The following GALNT13 variants were observed in gnomAD, a reference collection of about 807,000 sequenced individuals.
The protein encoded by GALNT13 is UDP-GalNAc:polypeptide N-acetylgalactosaminyltransferase 13.
GALNT13 carries 28 observed loss-of-function variants against 64.2 expected under a neutral mutation model. That is an observed-to-expected ratio of 0.44 (90% CI 0.32 to 0.60). GALNT13 has a LOEUF of 0.60. Ranked by LOEUF, GALNT13 falls within the 20% of genes least tolerant of loss-of-function variation. The pLI, the probability that GALNT13 is intolerant of heterozygous loss-of-function variation, is 0.05. For synonymous variants in GALNT13, 214 were observed against 224.6 expected (o/e 0.95, Z 0.42); for missense variants, 577 against 669.8 (o/e 0.86, Z 1.53).
chr2:154,337,111 A>G (rs951038615), intron 9 of GALNT13, among the ~76,000 whole-genome samples: 1 of 152,108 alleles, frequency 6.6e-6, no homozygotes, highest in African/African-American at 2.4e-5. Context: ...GCCAGGCCCC[A>G]CATAACAGGT....
At chr2:153,454,088 C>T in the GALNT13 span, among the ~76,000 whole-genome samples, 1 of 152,000 alleles carries the variant, frequency 6.6e-6, no homozygotes, top group Admixed American at 6.6e-5. Context: ...GACCATAAAG[C>T]TGGCAACAAC....
At chr2:153,778,911 G>A in the GALNT13 span, among the ~76,000 whole-genome samples, 1 of 152,136 alleles carries the variant, frequency 6.6e-6, no homozygotes, top group African/African-American at 2.4e-5. Context: ...AAAGTGAGAA[G>A]GTAGAAAAGC....
intron 7 of GALNT13, among the ~76,000 whole-genome samples, chr2:154,248,145 G>C (rs532432821): frequency 6.6e-6 from 1 of 152,056 alleles, no homozygotes; most frequent in Non-Finnish European, 1.5e-5. Flanking sequence ...AGTTATGATA[G>C]AACTTTGTAG....
At chr2:154,423,586 A>G (rs1700347348) in intron 11 of GALNT13, among the ~76,000 whole-genome samples, 3 of 152,210 alleles carry the variant, frequency 2.0e-5, no homozygotes, top group Non-Finnish European at 2.9e-5. Context: ...TATTTTTTAA[A>G]TGTATGAATC....
the GALNT13 span, among the ~76,000 whole-genome samples, chr2:153,715,139 A>G: frequency 1.3e-5 from 2 of 152,210 alleles, no homozygotes; most frequent in African/African-American, 4.8e-5. Context: ...CCTCACCTCA[A>G]AATCCAATTG....
chr2:153,144,036 T>G, the GALNT13 span, among the ~76,000 whole-genome samples: 1 of 152,024 alleles, frequency 6.6e-6, no homozygotes, highest in Admixed American at 6.6e-5. Flanking sequence ...TCCACTGTCC[T>G]TTGCCACCTC....
At chr2:153,275,392 T>C in the GALNT13 span, among the ~76,000 whole-genome samples, 7 of 152,202 alleles carry the variant, frequency 4.6e-5, no homozygotes, top group Admixed American at 3.3e-4. Flanking sequence ...TGAGAGCTAC[T>C]TCCTTGTGAA....
intron 7 of GALNT13, 69 bp downstream of exon 7, chr2:154,246,051 G>T: frequency 9.7e-7 from 1 of 1,031,490 alleles, no homozygotes; most frequent in South Asian, 1.8e-5. Context: ...ATAGATTTCT[G>T]TTCTAATGTT....
intron 4 of GALNT13, among the ~76,000 whole-genome samples, chr2:154,210,634 A>G (rs1687705085): frequency 6.6e-6 from 1 of 152,238 alleles, no homozygotes; most frequent in East Asian, 1.9e-4. Flanking sequence ...TCATTTAAAT[A>G]TAATGTGGGA....
chr2:154,111,691 C>T (rs565345793), intron 3 of GALNT13, among the ~76,000 whole-genome samples: 1 of 152,232 alleles, frequency 6.6e-6, no homozygotes, highest in East Asian at 1.9e-4. Flanking sequence ...GATTCCTGGA[C>T]CGATGAATCC....
At chr2:153,438,673 C>A in the GALNT13 span, among the ~76,000 whole-genome samples, 4 of 152,284 alleles carry the variant, frequency 2.6e-5, no homozygotes, top group East Asian at 7.7e-4. Context: ...GTTTTCAGCT[C>A]CATCAGGTCC....
chr2:154,025,091 C>T (rs1263811931), intron 3 of GALNT13, among the ~76,000 whole-genome samples: 2 of 152,296 alleles, frequency 1.3e-5, no homozygotes, highest in East Asian at 3.9e-4. Context: ...TGTAAGTTGT[C>T]AGTCCGCCCC....
rs1462482645 is a variant in GALNT13, at chr2:154,207,172, G to A, written c.312-34858G>A. Reference sequence around the variant, plus strand: ...TAAAGTCTAAATCCCTAGCTAAGGTGTACGTATCCCTGTGTAATTGAAATC... The same window carrying A: ...TAAAGTCTAAATCCCTAGCTAAGGTATACGTATCCCTGTGTAATTGAAATC... On this transcript the variant is annotated intron_variant, in intron 4 of 12. Transcript: ENST00000392825. 2.0e-5 allele frequency among the ~76,000 whole-genome samples: 3 copies of A among 152,176 alleles called. No individual in the cohort carries two copies. The East Asian group carries it at 5.8e-4, about 29-fold the overall frequency.
the GALNT13 span, among the ~76,000 whole-genome samples, chr2:153,162,255 A>T: frequency 6.6e-6 from 1 of 152,120 alleles, no homozygotes; most frequent in Non-Finnish European, 1.5e-5. Flanking sequence ...TACTTGTTTG[A>T]CCATATGTAG....
the GALNT13 span, among the ~76,000 whole-genome samples, chr2:153,434,106 T>C: frequency 1.1e-4 from 16 of 152,188 alleles, no homozygotes; most frequent in Admixed American, 7.2e-4. Context: ...GGCAATAGTT[T>C]GCTGAGAATG....
chr2:154,034,312 C>T (rs1698524060), intron 3 of GALNT13, among the ~76,000 whole-genome samples: 1 of 152,122 alleles, frequency 6.6e-6, no homozygotes, highest in South Asian at 2.1e-4. Flanking sequence ...TTGATATACA[C>T]ACACAGGGTA....
In GALNT13 at chr2:154,450,637, T is replaced by A; in HGVS notation, c.*86T>A. ...GGGGAAAATATTAACTTTGCTGAAT[T>A]GAAAGTTTTAAAAATCCTTTTAGTA... is the stretch of plus-strand genomic sequence containing the variant. On this transcript the variant is annotated 3_prime_UTR_variant, in exon 13 of 13. Transcript: ENST00000392825. 1 of 1,254,876 alleles carries A rather than the reference T, an allele frequency of 8.0e-7. No individual in the cohort carries two copies. The highest frequency in any genetic ancestry group is 1.1e-6 in the Non-Finnish European group (1 of 927,688). The allele number at this position is 1,254,876 out of a possible 1,614,324, so 77.7% of individuals were successfully genotyped here.
the GALNT13 span, among the ~76,000 whole-genome samples, chr2:153,483,111 G>A: frequency 5.3e-5 from 8 of 152,102 alleles, no homozygotes; most frequent in African/African-American, 1.7e-4. Flanking sequence ...TGGAACCCTC[G>A]TGCATTGCTG....
intron 11 of GALNT13, among the ~76,000 whole-genome samples, chr2:154,415,446 A>G (rs924894109): frequency 6.6e-6 from 1 of 152,128 alleles, no homozygotes; most frequent in African/African-American, 2.4e-5. Flanking sequence ...AGACAGCTAG[A>G]AAGCACGTGG....
Sources: gnomAD v4.1 joint callset for allele counts (sites outside exome capture counted in the v4.1 genomes callset) on GRCh38, gnomAD v4.1.1 for gene constraint, MANE v1.5 for transcripts, NCBI Gene and HGNC (gene_info 2026-07-23, HGNC 2026-07-21) for gene names.